CORIN: variants seen among roughly 807,000 people sequenced by gnomAD.
CORIN encodes the protein atrial natriuretic peptide-converting enzyme.
In CORIN, 117 loss-of-function variants were observed where a neutral mutation model predicts 125.3. The observed-to-expected ratio is 0.93, with a 90% CI of 0.80 to 1.09. The LOEUF is 1.09. CORIN is among the 50% of genes least tolerant of loss of function. The pLI is 0.00. For synonymous variants in CORIN, 450 were observed against 466.4 expected (o/e 0.96, Z 0.45); for missense variants, 1,253 against 1,306.7 (o/e 0.96, Z 0.63).
intron 1 of CORIN, among the ~76,000 whole-genome samples, chr4:47,831,005 T>A (rs1024116897): frequency 6.6e-6 from 1 of 152,222 alleles, no homozygotes; most frequent in African/African-American, 2.4e-5. Context: ...GACACCAAAA[T>A]GGTCTTCGCA....
chr4:47,728,762 A>T (rs1473784644), intron 5 of CORIN, among the ~76,000 whole-genome samples: 1 of 152,218 alleles, frequency 6.6e-6, no homozygotes, highest in Non-Finnish European at 1.5e-5. Context: ...AATATTGACA[A>T]AATGAAGATG....
At chr4:47,832,476 G>A (rs1342202645) in intron 1 of CORIN, among the ~76,000 whole-genome samples, 3 of 124,482 alleles carry the variant, frequency 2.4e-5, no homozygotes, top group African/African-American at 6.2e-5. Flanking sequence ...ATGGAGTCTC[G>A]CTCTATCACC....
rs535028423 is a variant in CORIN at position 47,775,039 on chromosome 4, T to C, written c.410-11453A>G. On this transcript the variant is annotated intron_variant, in intron 3 of 21. Transcript: ENST00000273857. ...TGGGCACATTAACAAGTGTAATGTA[T>C]ACTCAAAACTTTGTTAAGAAGTTAG... Among the ~76,000 whole-genome samples the C allele has an allele frequency of 9.3e-4, 142 of 152,310 alleles. 2 individuals are homozygous for C. The highest frequency in any genetic ancestry group is 3.4e-3 in the Middle Eastern group (1 of 294).
intron 13 of CORIN, among the ~76,000 whole-genome samples, chr4:47,648,019 A>G (rs1009796199): frequency 4.6e-5 from 7 of 152,236 alleles, no homozygotes; most frequent in Non-Finnish European, 1.0e-4. Flanking sequence ...TGCATAGCAT[A>G]ATACCTCCTT....
chr4:47,651,899 GTTGTT>G (rs1318564577), intron 13 of CORIN, among the ~76,000 whole-genome samples: 1 of 152,054 alleles, frequency 6.6e-6, no homozygotes, highest in Non-Finnish European at 1.5e-5. Flanking sequence ...TCTTGGTAAA[GTTGTT>G]TTGTTTTGTT....
chr4:47,705,170 CCCT>C (rs955987479), intron 5 of CORIN, among the ~76,000 whole-genome samples: 3 of 152,180 alleles, frequency 2.0e-5, no homozygotes, highest in Non-Finnish European at 4.4e-5. Context: ...CTTTTTTTCC[CCCT>C]GACTGGTTTA....
intron 19 of CORIN, among the ~76,000 whole-genome samples, chr4:47,606,120 G>A (rs960083104): frequency 1.1e-4 from 16 of 152,146 alleles, no homozygotes; most frequent in Admixed American, 6.5e-4. Flanking sequence ...ACAAGAATAA[G>A]CAAGAAAAGC....
At chr4:47,725,096 A>G (rs929604739) in intron 5 of CORIN, among the ~76,000 whole-genome samples, 8 of 152,218 alleles carry the variant, frequency 5.3e-5, no homozygotes, top group Non-Finnish European at 1.2e-4. Context: ...CTATATGAGC[A>G]AATTATAAAT....
intron 2 of CORIN, among the ~76,000 whole-genome samples, chr4:47,798,556 G>A (rs947479519): frequency 6.6e-6 from 1 of 152,074 alleles, no homozygotes; most frequent in Non-Finnish European, 1.5e-5. Context: ...TAAAATGCTT[G>A]TATTGCTCAT....
chr4:47,613,348 G>T (rs1721941457), intron 19 of CORIN, among the ~76,000 whole-genome samples: 1 of 152,178 alleles, frequency 6.6e-6, no homozygotes, highest in Non-Finnish European at 1.5e-5. Flanking sequence ...AGCTACTTGG[G>T]AGGCTGAGGC....
chr4:47,699,793 CT>C (rs1726204937), intron 5 of CORIN, among the ~76,000 whole-genome samples: 1 of 152,198 alleles, frequency 6.6e-6, no homozygotes, highest in South Asian at 2.1e-4. Flanking sequence ...TCACTCAAGC[CT>C]GCAGACACAT....
chr4:47,623,069 C>CCTCTCTCTCTCTCTCT (rs372736248), intron 19 of CORIN, among the ~76,000 whole-genome samples: 125 of 93,518 alleles, frequency 1.3e-3, no homozygotes, highest in African/African-American at 3.8e-3. Flanking sequence ...CATAACATAA[C>CCTCTCTCTCTCTCTCT]CTCTCTCTCT....
intron 16 of CORIN, among the ~76,000 whole-genome samples, chr4:47,633,977 A>G (rs1386461528): frequency 6.6e-6 from 1 of 152,260 alleles, no homozygotes; most frequent in Non-Finnish European, 1.5e-5. Context: ...CCATTACAAG[A>G]TAAATTAATT....
chr4:47,809,079 T>C (rs923923838), intron 1 of CORIN, among the ~76,000 whole-genome samples: 1 of 152,186 alleles, frequency 6.6e-6, no homozygotes, highest in African/African-American at 2.4e-5. Context: ...GAATCAGCCA[T>C]AATTCTGAGA....
intron 2 of CORIN, among the ~76,000 whole-genome samples, chr4:47,789,212 G>A (rs1730954277): frequency 1.3e-5 from 2 of 152,134 alleles, no homozygotes; most frequent in Non-Finnish European, 1.5e-5. Context: ...GCTGTGGCAG[G>A]AGAATTGTTT....
At chr4:47,628,819 A>G (rs564482371) in intron 16 of CORIN, among the ~76,000 whole-genome samples, 1 of 152,244 alleles carries the variant, frequency 6.6e-6, no homozygotes, top group South Asian at 2.1e-4. Flanking sequence ...GTAGTGTTCT[A>G]TTGTGTAAAG....
rs532940795 is a variant in CORIN, at chr4:47,603,438, G to A, written c.2771C>T (p.Thr924Met). Residue 924 changes from threonine to methionine, a missense_variant, in exon 20 of 22, where the codon ACG becomes ATG. Coordinates refer to ENST00000273857, the MANE Select transcript of CORIN (RefSeq NM_006587.4). Reference protein sequence around the residue: ...PNPEQWLEPDTYCYITGWGHM... With the variant: ...PNPEQWLEPDMYCYITGWGHM... ...GCCCCAGCCTGTGATATAGCAGTAC[G>A]TGTCAGGCTCTAGCCACTGCTCCGG... 5.7e-5 allele frequency: 92 copies of A among 1,614,170 alleles called. No individual in the cohort carries two copies. The highest frequency in any genetic ancestry group is 2.9e-4 in the East Asian group (13 of 44,878).
At chr4:47,646,959 C>T (rs1025709102) in intron 13 of CORIN, among the ~76,000 whole-genome samples, 1 of 152,018 alleles carries the variant, frequency 6.6e-6, no homozygotes, top group African/African-American at 2.4e-5. Flanking sequence ...AAATAAGTGA[C>T]CCAAAATGCT....
chr4:47,779,687 C>T (rs901596106), intron 3 of CORIN, among the ~76,000 whole-genome samples: 4 of 152,064 alleles, frequency 2.6e-5, no homozygotes, highest in African/African-American at 4.8e-5. Context: ...CCACCTGCCT[C>T]GGCCTCCCAA....
Sources: allele counts gnomAD v4.1 joint callset (sites outside exome capture counted in the v4.1 genomes callset), GRCh38; gene constraint gnomAD v4.1.1; transcripts MANE v1.5; gene names NCBI Gene and HGNC (gene_info 2026-07-23, HGNC 2026-07-21).